FASN: variants seen among roughly 807,000 people sequenced by gnomAD.
The protein encoded by FASN is fatty acid synthase, also known as 3-hydroxyacyl-[acyl-carrier-protein] dehydratase.
Under a neutral mutation model 250.0 loss-of-function variants are expected in FASN, and 50 were observed. That is an observed-to-expected ratio of 0.20 (90% confidence interval 0.16 to 0.25). The LOEUF (loss-of-function observed/expected upper bound fraction) is 0.25. FASN is among the 10% of genes least tolerant of loss of function. The probability of loss-of-function intolerance (pLI) is 1.00; values close to 1 mark genes in which losing one functional copy is unlikely to be tolerated. For missense variants in FASN, 3,031 were observed against 3,498.5 expected, an observed-to-expected ratio of 0.87 and a Z score of 3.37; for synonymous variants, 1,909 against 1,584.0, an observed-to-expected ratio of 1.21 and a Z score of -4.87.
In FASN at chr17:82,080,810, G is replaced by A. The variant is rs531270526; in HGVS notation, c.6708C>T (p.Ser2236=). 78 of 1,608,954 alleles carry A rather than the reference G, an allele frequency of 4.8e-5. No homozygotes were observed. In the Admixed American group the frequency reaches 6.4e-4, roughly 13 times the overall value. The change falls in exon 39 of 43, where the codon TCC becomes TCT. Residue 2236 remains serine (S), a synonymous_variant. Transcript: ENST00000306749. ...PEGPTLMRLN[S]VQSSERPLFL... ...ACAGGGGCCGCTCCGAGCTCTGCAC[G>A]GAGTTGAGCCGCATCAGGGTGGGGC...
chr17:82,096,634 C>T (rs1019283963), intron 1 of FASN, among the ~76,000 whole-genome samples, 182 bp from the exon 2 acceptor site: 3 of 152,212 alleles, frequency 2.0e-5, no homozygotes, highest in Non-Finnish European at 4.4e-5. Context: ...ACCCCGCTCT[C>T]GCTGGGAGGG....
chr17:82,086,221 G>A (rs1211918703), intron 22 of FASN, 33 bp downstream of exon 22: 3 of 1,540,272 alleles, frequency 1.9e-6, no homozygotes, highest in Admixed American at 3.9e-5. Flanking sequence ...ACCATGTCCG[G>A]GGCAGAGGCC....
chr17:82,085,957 T>C, intron 22 of FASN, 86 bp from the exon 23 acceptor site: 1 of 1,418,964 alleles, frequency 7.0e-7, no homozygotes, highest in South Asian at 1.4e-5. Flanking sequence ...GAGGCCTCAG[T>C]CTGGCAGAAA....
intron 8 of FASN, 128 bp from the exon 9 acceptor site, chr17:82,091,812 G>A: frequency 1.2e-6 from 1 of 833,970 alleles, no homozygotes; most frequent in Admixed American, 2.8e-5. Context: ...TGCACTTCCT[G>A]TCCCCAACCT....
Position 82,095,339 on chromosome 17 carries a change from A to G in FASN, c.261T>C (p.Tyr87=). Residue 87 remains tyrosine (Y), a synonymous_variant, in exon 3 of 43, where the codon TAT becomes TAC. Coordinates refer to ENST00000306749, the MANE Select transcript of FASN (RefSeq NM_004104.5). ...ACCCACCTCCGTCCACGATGGCTTC[A>G]TAGGTGACTTCCAGCAGCAGCCGCA... is the stretch of plus-strand genomic sequence containing the variant. The part of the protein sequence containing the change: ...PQLRLLLEVT[Y]EAIVDGGINP... 1 of 1,612,950 alleles carries G rather than the reference A, an allele frequency of 6.2e-7. No individual in the cohort carries two copies. Among genetic ancestry groups the G allele is most frequent in the South Asian group, 1.1e-5 (1 of 91,092 alleles).
Position 82,094,247 on chromosome 17 carries a change from G to A in FASN, c.281-476C>T, listed in dbSNP as rs116393033. On this transcript the variant is annotated intron_variant, in intron 3 of 42. Coordinates refer to ENST00000306749, the MANE Select transcript of FASN (RefSeq NM_004104.5). ...AGACAAAGGCCAAGTGTCCAGGCTCGGGAAGGAGAGAGGGACACCGGTCAC... is the reference window on the plus strand; with the variant it reads ...AGACAAAGGCCAAGTGTCCAGGCTCAGGAAGGAGAGAGGGACACCGGTCAC... 2.4e-3 allele frequency: 613 copies of A among 256,592 alleles called. 7 individuals are homozygous for A. The highest frequency in any genetic ancestry group is 0.013 in the African/African-American group (589 of 44,610). The allele number at this position is 256,592 out of a possible 1,614,324, so 15.9% of individuals were successfully genotyped here.
In FASN at chr17:82,084,780, G is replaced by A. The variant is rs763752153; in HGVS notation, c.4564+19C>T. The A allele has an allele frequency of 5.8e-6, 9 of 1,550,234 alleles. No individual in the cohort carries two copies. The highest frequency in any genetic ancestry group is 7.8e-6 in the Non-Finnish European group (9 of 1,147,066). ...GGGTGCAGTCTCCCGGGAGGGGCAGGGCAGTGTCGGGGGCTCACCCTCCTC... is the reference window on the plus strand; with the variant it reads ...GGGTGCAGTCTCCCGGGAGGGGCAGAGCAGTGTCGGGGGCTCACCCTCCTC... On this transcript the variant is annotated intron_variant, in intron 26 of 42. Transcript: ENST00000306749.
chr17:82,082,199 C>T (rs1215341045), intron 35 of FASN, 39 bp from the exon 36 acceptor site: 1 of 1,600,980 alleles, frequency 6.2e-7, no homozygotes, highest in Admixed American at 1.7e-5. Flanking sequence ...GCCAGCATCC[C>T]CAGGAGCCCC....
In FASN at chr17:82,093,133, C is replaced by T. The variant is rs2034242945; in HGVS notation, c.655+86G>A. ...TTGGGTGGGGGATCCCCGGAGCTGG[C>T]AGGATCCTGCTCAGCGTGGGGACTG... On this transcript the variant is annotated intron_variant, in intron 5 of 42. Transcript: ENST00000306749. 1.4e-5 allele frequency: 21 copies of T among 1,543,024 alleles called. No homozygotes were observed. The East Asian group carries it at 5.0e-4, about 37-fold the overall frequency.
At chr17:82,088,667 C>T (rs938477594) in intron 15 of FASN, 94 bp downstream of exon 15, 51 of 1,508,178 alleles carry the variant, frequency 3.4e-5, no homozygotes, top group Admixed American at 1.4e-4. Context: ...CTGCTGCCAC[C>T]GGCCTGGGTC....
chr17:82,085,734 G>A lies in FASN; in HGVS notation c.3870C>T (p.His1290=), dbSNP rs751224243. ...GATCCCACTGGCCCTGGGCAACGTC[G>A]TGCTGCTGCAGCTCGGCCTGGGCAG... ...LEAAQAELQQ[H]DVAQGQWDPA... is the part of the protein sequence containing the mutation. The change falls in exon 23 of 43, where the codon CAC becomes CAT. Residue 1290 remains histidine (H), a synonymous_variant. Transcript: ENST00000306749. The A allele has an allele frequency of 2.1e-5, 33 of 1,565,728 alleles. No individual in the cohort carries two copies. The highest frequency in any genetic ancestry group is 2.5e-5 in the Non-Finnish European group (29 of 1,155,996).
chr17:82,079,431 T>C lies in FASN; in HGVS notation c.7324A>G (p.Asn2442Asp), dbSNP rs1403208540. Residue 2442 changes from asparagine to aspartate, a missense_variant, in exon 42 of 43, where the codon AAC (asparagine) becomes GAC (aspartate). Physicochemically the swap from Asn to Asp is conservative, Grantham distance 23. Transcript: ENST00000306749. ...QYTPKAKYHG[N>D]VMLLRAKTGG... ...GTCTTGGCGCGCAGTAGCATCACGT[T>C]GCCATGGTACTTGGCCTTGGGTGTG... 6.2e-7 allele frequency: 1 copy of C among 1,612,936 alleles called. No homozygotes were observed. Among genetic ancestry groups the C allele is most frequent in the Non-Finnish European group, 8.5e-7 (1 of 1,180,000 alleles).
At chr17:82,080,313 C>A in intron 40 of FASN, 57 bp downstream of exon 40, 1 of 1,610,956 alleles carries the variant, frequency 6.2e-7, no homozygotes, top group Non-Finnish European at 8.5e-7. Context: ...AAAGCCAGGG[C>A]ACAGGTGGGG....
chr17:82,096,416 G>A lies in FASN; in HGVS notation c.30C>T (p.Ser10=), dbSNP rs531042325. 2.2e-5 allele frequency: 36 copies of A among 1,612,536 alleles called. No homozygotes were observed. The highest frequency in any genetic ancestry group is 2.5e-5 in the Non-Finnish European group (30 of 1,179,996). MEEVVIAGM[S]GKLPESENLQ... is the part of the protein sequence containing the mutation. The stretch of plus-strand genomic sequence containing the variant: ...AGTTCTCCGACTCTGGCAGCTTCCC[G>A]GACATGCCGGCAATCACCACCTCCT... Residue 10 remains serine, a synonymous_variant, in exon 2 of 43, where the codon TCC becomes TCT. Transcript: ENST00000306749.
At chr17:82,086,666 C>A in intron 21 of FASN, 108 bp from the exon 22 acceptor site, 1 of 844,960 alleles carries the variant, frequency 1.2e-6, no homozygotes, top group Non-Finnish European at 1.9e-6. Flanking sequence ...CCCGCTCTGC[C>A]CACAGGATGA....
chr17:82,091,757 C>T (rs964371161), intron 8 of FASN, 73 bp from the exon 9 acceptor site: 5 of 1,347,486 alleles, frequency 3.7e-6, no homozygotes, highest in Non-Finnish European at 4.0e-6. Flanking sequence ...GCAGGCACCT[C>T]CCCGAGACTC....
intron 8 of FASN, 61 bp downstream of exon 8, chr17:82,092,394 T>C (rs565162346): frequency 2.0e-6 from 3 of 1,524,764 alleles, no homozygotes; most frequent in South Asian, 2.4e-5. Flanking sequence ...TGCCCAGCCA[T>C]GGCGCAACCC....
Position 82,086,361 on chromosome 17 carries a change from G to T in FASN, c.3625C>A (p.Leu1209Met), listed in dbSNP as rs774014857. The T allele has an allele frequency of 1.2e-6, 2 of 1,608,786 alleles. No individual in the cohort carries two copies. Among genetic ancestry groups the T allele is most frequent in the South Asian group, 2.2e-5 (2 of 90,938 alleles). ...CCGCTGAGCAGAGGGTCCTCTGGCA[G>T]CTTGGGCCTCTCCTGGGCCAGCACC... ...AQVLAQERPKLPEDPLLSGLL... is the reference protein window; with the variant it reads ...AQVLAQERPKMPEDPLLSGLL... Residue 1209 changes from leucine to methionine, a missense_variant, in exon 22 of 43, where the codon CTG (leucine) becomes ATG (methionine). Leu to Met is a conservative substitution (Grantham distance 15). Transcript: ENST00000306749.
rs1455839358 is a variant in FASN, at chr17:82,082,160, C to T, written c.6012G>A (p.Arg2004=). Residue 2004 remains arginine (R), a splice_region_variant and synonymous_variant, in exon 36 of 43, where the codon AGG becomes AGA. Coordinates refer to ENST00000306749, the MANE Select transcript of FASN (RefSeq NM_004104.5). ...PKYSGTLNLD[R]VTREACPELD... ...GCTCAGGGCACGCCTCTCGGGTCAC[C>T]CTGTGGGCACGCGTGTCACTCCCCA... is the stretch of plus-strand genomic sequence containing the variant. 3.7e-6 allele frequency: 6 copies of T among 1,602,524 alleles called. No individual in the cohort carries two copies. The highest frequency in any genetic ancestry group is 1.1e-5 in the South Asian group (1 of 91,086).
Sources: gnomAD v4.1 joint callset for allele counts (sites outside exome capture counted in the v4.1 genomes callset) on GRCh38, gnomAD v4.1.1 for gene constraint, MANE v1.5 for transcripts, NCBI Gene and HGNC (gene_info 2026-07-23, HGNC 2026-07-21) for gene names.